Variants in PGCKA1 observed in about 807,000 individuals in gnomAD.
The protein encoded by PGCKA1 is PDCD10 and GCKIII kinases-associated protein 1.
the PGCKA1 span, among the ~76,000 whole-genome samples, chr4:37,572,594 T>A: frequency 6.6e-6 from 1 of 152,228 alleles, no homozygotes; most frequent in South Asian, 2.1e-4. Context: ...AGTTTGATTA[T>A]CCTCTATCCA....
chr4:37,513,296 C>A, the PGCKA1 span, among the ~76,000 whole-genome samples: 1 of 152,138 alleles, frequency 6.6e-6, no homozygotes, highest in African/African-American at 2.4e-5. Flanking sequence ...GTTATGTAGT[C>A]AGCTAGGGCT....
At chr4:37,503,195 G>A in the PGCKA1 span, among the ~76,000 whole-genome samples, 2 of 152,160 alleles carry the variant, frequency 1.3e-5, no homozygotes, top group Admixed American at 1.3e-4. Context: ...CCCATTGTGA[G>A]AGCAGATTGC....
chr4:37,460,607 T>C, the PGCKA1 span: 1 of 452,104 alleles, frequency 2.2e-6, no homozygotes, highest in Non-Finnish European at 4.4e-6. Flanking sequence ...TTTTTTTATA[T>C]GTTTGTTGGT....
the PGCKA1 span, among the ~76,000 whole-genome samples, chr4:37,456,683 C>T: frequency 6.6e-6 from 1 of 152,274 alleles, no homozygotes; most frequent in East Asian, 1.9e-4. Context: ...ACCAGAGAGT[C>T]GATGAGTTTC....
At chr4:37,525,971 G>T in the PGCKA1 span, among the ~76,000 whole-genome samples, 1 of 152,104 alleles carries the variant, frequency 6.6e-6, no homozygotes, top group Non-Finnish European at 1.5e-5. Flanking sequence ...GATACTAGCT[G>T]TTCACTCCTA....
the PGCKA1 span, chr4:37,590,356 A>T: frequency 1.2e-6 from 2 of 1,613,766 alleles, no homozygotes; most frequent in Non-Finnish European, 1.7e-6. Flanking sequence ...TGTCAACGGC[A>T]TCGGCCCTGC....
chr4:37,521,040 T>C, the PGCKA1 span, among the ~76,000 whole-genome samples: 1 of 152,182 alleles, frequency 6.6e-6, no homozygotes, highest in African/African-American at 2.4e-5. Flanking sequence ...TATTTTGTAT[T>C]TTTTTATTTC....
At chr4:37,564,001 A>C in the PGCKA1 span, among the ~76,000 whole-genome samples, 151,036 of 152,222 alleles carry the variant, frequency 0.99, 74,943 homozygotes, top group Middle Eastern at 1. Context: ...AGCCAGGGAC[A>C]GTGGCTCACC....
the PGCKA1 span, among the ~76,000 whole-genome samples, chr4:37,529,903 A>T: frequency 4.6e-5 from 7 of 152,144 alleles, no homozygotes; most frequent in Non-Finnish European, 5.9e-5. Flanking sequence ...AACCTATAAG[A>T]TAGGTATTAT....
the PGCKA1 span, chr4:37,590,045 A>C: frequency 7.1e-7 from 1 of 1,412,794 alleles, no homozygotes; most frequent in Non-Finnish European, 9.7e-7. Context: ...AAAAGCATTA[A>C]TGATGGAGCA....
At chr4:37,533,076 C>T in the PGCKA1 span, among the ~76,000 whole-genome samples, 1 of 98,886 alleles carries the variant, frequency 1.0e-5, no homozygotes, top group African/African-American at 3.3e-5. Context: ...TAACCAGATA[C>T]CACCTGTACA....
At chr4:37,506,542 A>G in the PGCKA1 span, among the ~76,000 whole-genome samples, 1 of 149,612 alleles carries the variant, frequency 6.7e-6, no homozygotes, top group Non-Finnish European at 1.5e-5. Context: ...CTGGTCATTC[A>G]GGAGTGTATT....
chr4:37,531,056 A>G, the PGCKA1 span, among the ~76,000 whole-genome samples: 4 of 152,220 alleles, frequency 2.6e-5, no homozygotes, highest in Admixed American at 2.6e-4. Context: ...TGACTGACAT[A>G]TATGTGTCCA....
chr4:37,579,100 A>AACTTAGCATT, the PGCKA1 span, among the ~76,000 whole-genome samples: 1 of 152,182 alleles, frequency 6.6e-6, no homozygotes, highest in Non-Finnish European at 1.5e-5. Flanking sequence ...ATTTGATAAC[A>AACTTAGCATT]ACTTAGCATT....
At chr4:37,526,146 A>G in the PGCKA1 span, among the ~76,000 whole-genome samples, 32 of 152,348 alleles carry the variant, frequency 2.1e-4, 1 homozygote, top group South Asian at 6.4e-3. Flanking sequence ...CTGAATTACT[A>G]TCGCACTAGA....
the PGCKA1 span, chr4:37,590,319 C>T: frequency 8.7e-6 from 14 of 1,613,648 alleles, no homozygotes; most frequent in South Asian, 3.3e-5. Context: ...CACAGGGGGA[C>T]GCTGGAGGGG....
chr4:37,524,995 A>G, the PGCKA1 span, among the ~76,000 whole-genome samples: 1 of 152,240 alleles, frequency 6.6e-6, no homozygotes, highest in Non-Finnish European at 1.5e-5. Context: ...AGATGGAGTT[A>G]TTTTAGGCAC....
chr4:37,518,440 CCTGT>C, the PGCKA1 span, among the ~76,000 whole-genome samples: 1 of 152,110 alleles, frequency 6.6e-6, no homozygotes, highest in Admixed American at 6.5e-5. Context: ...TTTCTTATCG[CCTGT>C]CTTTTTTATA....
the PGCKA1 span, among the ~76,000 whole-genome samples, chr4:37,551,777 G>A: frequency 2.0e-5 from 3 of 152,226 alleles, no homozygotes; most frequent in Non-Finnish European, 4.4e-5. Flanking sequence ...AGTTATAATA[G>A]TAATAGAAAC....
Sources: gnomAD v4.1 joint callset for allele counts (sites outside exome capture counted in the v4.1 genomes callset) on GRCh38, gnomAD v4.1.1 for gene constraint, MANE v1.5 for transcripts, NCBI Gene and HGNC (gene_info 2026-07-23, HGNC 2026-07-21) for gene names.